Variants in RIC1 observed in about 807,000 individuals in gnomAD.
The protein encoded by RIC1 is guanine nucleotide exchange factor subunit RIC1.
In RIC1, 88 loss-of-function variants were observed where a neutral mutation model predicts 169.0. The ratio of observed to expected loss-of-function variants is 0.52; its 90% CI spans 0.44 to 0.62. RIC1 has a LOEUF of 0.62. RIC1 is among the 20% of genes least tolerant of loss of function. RIC1 has a pLI of 0.00. For synonymous variants in RIC1, 790 were observed against 601.5 expected (o/e 1.31, Z -4.59); for missense variants, 1,877 against 1,725.5 (o/e 1.09, Z -1.56).
chr9:5,630,825 T>C (rs1256945251), intron 1 of RIC1, among the ~76,000 whole-genome samples: 3 of 152,238 alleles, frequency 2.0e-5, no homozygotes, highest in Admixed American at 6.5e-5. Flanking sequence ...AAATGAGATA[T>C]TCGTTTACAA....
At chr9:5,777,832 A>G (rs1827671310), downstream of RIC1, among the ~76,000 whole-genome samples, 2 of 152,164 alleles carry the variant, frequency 1.3e-5, no homozygotes, top group Admixed American at 1.3e-4. Context: ...GATCTATAAT[A>G]TCTTCTTATG....
chr9:5,664,195 G>A (rs989323879), intron 2 of RIC1, among the ~76,000 whole-genome samples: 1 of 151,804 alleles, frequency 6.6e-6, no homozygotes, highest in Non-Finnish European at 1.5e-5. Context: ...GGATAACGAG[G>A]TCAAGAGATC....
At chr9:5,771,190 G>A (rs565810490) in intron 23 of RIC1, among the ~76,000 whole-genome samples, 1 of 152,240 alleles carries the variant, frequency 6.6e-6, no homozygotes, top group South Asian at 2.1e-4. Context: ...CGAAAACTCT[G>A]TATATGTTAC....
chr9:5,715,945 T>A (rs1403751513), intron 4 of RIC1, among the ~76,000 whole-genome samples: 1 of 151,956 alleles, frequency 6.6e-6, no homozygotes, highest in African/African-American at 2.4e-5. Context: ...CCTCCTGGGC[T>A]CCAGTGATCT....
At chr9:5,645,015 A>G (rs1818432233) in intron 1 of RIC1, among the ~76,000 whole-genome samples, 1 of 152,180 alleles carries the variant, frequency 6.6e-6, no homozygotes, top group Non-Finnish European at 1.5e-5. Context: ...AGCTATTTAT[A>G]TATCTTATTC....
At chr9:5,684,393 T>C (rs1250700682) in intron 2 of RIC1, among the ~76,000 whole-genome samples, 1 of 149,810 alleles carries the variant, frequency 6.7e-6, no homozygotes, top group Non-Finnish European at 1.5e-5. Context: ...GTTGCTATCT[T>C]AGCAATATAA....
At chr9:5,686,801 T>A (rs187623914) in intron 2 of RIC1, among the ~76,000 whole-genome samples, 13 of 152,142 alleles carry the variant, frequency 8.5e-5, no homozygotes, top group Admixed American at 7.8e-4. Context: ...AATATGTTAA[T>A]GAGGGATCTT....
chr9:5,674,936 A>C (rs1338793433), intron 2 of RIC1, among the ~76,000 whole-genome samples: 1 of 152,238 alleles, frequency 6.6e-6, no homozygotes, highest in Non-Finnish European at 1.5e-5. Context: ...TTGGTTTACA[A>C]CTATGTTCTA....
intron 25 of RIC1, among the ~76,000 whole-genome samples, chr9:5,773,682 G>T (rs1405590395): frequency 1.3e-5 from 2 of 152,148 alleles, no homozygotes; most frequent in African/African-American, 2.4e-5. Context: ...CCTTTCAATT[G>T]TAAAATATAA....
intron 10 of RIC1, among the ~76,000 whole-genome samples, chr9:5,744,232 G>A (rs960155114): frequency 6.6e-6 from 1 of 151,868 alleles, no homozygotes; most frequent in Non-Finnish European, 1.5e-5. Flanking sequence ...GGCCTTTTTT[G>A]TATGTGTCTT....
intron 10 of RIC1, among the ~76,000 whole-genome samples, chr9:5,744,344 A>G (rs1825258324): frequency 6.6e-6 from 1 of 152,118 alleles, no homozygotes; most frequent in South Asian, 2.1e-4. Context: ...GTATCTATAT[A>G]TCTATATATA....
chr9:5,777,204 G>T (rs1266987731), downstream of RIC1, among the ~76,000 whole-genome samples: 1 of 151,958 alleles, frequency 6.6e-6, no homozygotes, highest in Admixed American at 6.5e-5. Flanking sequence ...TGACTTGCTG[G>T]AGTTCTTTAT....
chr9:5,747,517 G>A lies in RIC1; in HGVS notation c.1452+12G>A, dbSNP rs752111214. Reference sequence around the variant, plus strand: ...GGCATGTTGTACAGGTAAATCTTTAGTTACTGATTACTAGAGACTTATTCT... The same window carrying A: ...GGCATGTTGTACAGGTAAATCTTTAATTACTGATTACTAGAGACTTATTCT... On this transcript the variant is annotated intron_variant, in intron 12 of 25. Transcript: ENST00000414202. 3.0e-5 allele frequency: 48 copies of A among 1,601,224 alleles called. No homozygotes were observed. In the Admixed American group the frequency reaches 8.0e-4, roughly 27 times the overall value.
chr9:5,744,592 T>C (rs536894992), intron 10 of RIC1, among the ~76,000 whole-genome samples: 62 of 152,274 alleles, frequency 4.1e-4, no homozygotes, highest in Admixed American at 7.8e-4. Context: ...CTTATGCACA[T>C]AGACTGAAGC....
At position 5,746,096 on chromosome 9, in the gene RIC1, A is replaced by G; in HGVS notation, c.1248+13A>G. On this transcript the variant is annotated intron_variant, in intron 11 of 25. Coordinates refer to ENST00000414202, the MANE Select transcript of RIC1 (RefSeq NM_020829.4). ...AAACCCTTGTATGGTAAGTATATTT[A>G]AAGCTCTGATTTTTTAGTGTCTTTT... is the stretch of plus-strand genomic sequence containing the variant. 1 of 1,589,220 alleles carries G rather than the reference A, an allele frequency of 6.3e-7. No homozygotes were observed. The highest frequency in any genetic ancestry group is 8.6e-7 in the Non-Finnish European group (1 of 1,162,552).
chr9:5,764,111 T>C (rs1474944988), intron 19 of RIC1, among the ~76,000 whole-genome samples: 1 of 152,216 alleles, frequency 6.6e-6, no homozygotes, highest in Non-Finnish European at 1.5e-5. Flanking sequence ...GAGTAGTGTT[T>C]TGAAATTTTA....
chr9:5,672,818 A>G (rs1363757402), intron 2 of RIC1, among the ~76,000 whole-genome samples: 1 of 152,218 alleles, frequency 6.6e-6, no homozygotes, highest in Non-Finnish European at 1.5e-5. Flanking sequence ...AGTCATGAGA[A>G]AAATCATTCA....
In RIC1 at chr9:5,774,270, G is replaced by A. The variant is rs1827453086; in HGVS notation, c.*24G>A. On this transcript the variant is annotated 3_prime_UTR_variant, in exon 26 of 26. Coordinates refer to ENST00000414202, the MANE Select transcript of RIC1 (RefSeq NM_020829.4). ...AACAGTGAGGTTCCATCACAAAGGG[G>A]CAGTATTAATTAGCAGCAGCGTGCA... The A allele has an allele frequency of 4.4e-6, 7 of 1,579,040 alleles. No homozygotes were observed. Among genetic ancestry groups the A allele is most frequent in the Non-Finnish European group, 5.2e-6 (6 of 1,161,608 alleles).
chr9:5,720,605 T>C lies in RIC1; in HGVS notation c.584-9T>C. ...TAATCCTATTTCATGTGCTTATTTT[T>C]TTCATCAGTAGGTTCATTCCTGGGC... is the stretch of plus-strand genomic sequence containing the variant. On this transcript the variant is annotated splice_polypyrimidine_tract_variant and intron_variant, in intron 5 of 25. Coordinates refer to ENST00000414202, the MANE Select transcript of RIC1 (RefSeq NM_020829.4). 2 of 1,577,020 alleles carry C rather than the reference T, an allele frequency of 1.3e-6. No individual in the cohort carries two copies.
Sources: gnomAD v4.1 joint callset for allele counts (sites outside exome capture counted in the v4.1 genomes callset) on GRCh38, gnomAD v4.1.1 for gene constraint, MANE v1.5 for transcripts, NCBI Gene and HGNC (gene_info 2026-07-23, HGNC 2026-07-21) for gene names.